The following TSPEAR variants were observed in gnomAD, a reference collection of about 807,000 sequenced individuals.
TSPEAR encodes thrombospondin type laminin G domain and EAR repeats, also known as thrombospondin-type laminin G domain and EAR repeat-containing protein.
In TSPEAR, 69 loss-of-function variants were observed where a neutral mutation model predicts 71.6. The observed-to-expected ratio is 0.96, with a 90% CI of 0.79 to 1.18. TSPEAR has a LOEUF of 1.18. TSPEAR is among the 50% of genes most tolerant of loss of function. The pLI is 0.00. For missense variants in TSPEAR, 971 were observed against 894.9 expected (o/e 1.09, Z -1.09); for synonymous variants, 402 against 387.2 (o/e 1.04, Z -0.45).
chr21:44,518,318 C>G (rs1555913766), intron 9 of TSPEAR: 1 of 468,906 alleles, frequency 2.1e-6, no homozygotes, highest in South Asian at 1.6e-5. Flanking sequence ...GCATGGGTGA[C>G]ACGCAGCTGG....
rs987150461 is a variant in TSPEAR at position 44,600,559 on chromosome 21, G to A, written c.83-32554C>T. ...AACATCCCTGAGCACCTAACACACG[G>A]ACTCACTCACTCATTCACTCACTCA... On this transcript the variant is annotated intron_variant, in intron 1 of 11. Coordinates refer to ENST00000323084, the MANE Select transcript of TSPEAR (RefSeq NM_144991.3). 4.5e-6 allele frequency: 7 copies of A among 1,546,548 alleles called. No individual in the cohort carries two copies. The East Asian group carries it at 1.6e-4, about 35-fold the overall frequency.
chr21:44,623,755 A>C lies in TSPEAR; in HGVS notation c.83-55750T>G, dbSNP rs1555933895. 6.6e-6 allele frequency among the ~76,000 whole-genome samples: 1 copy of C among 152,214 alleles called. No homozygotes were observed. Among genetic ancestry groups the C allele is most frequent in the Non-Finnish European group, 1.5e-5 (1 of 68,038 alleles). On this transcript the variant is annotated intron_variant, in intron 1 of 11. Transcript: ENST00000323084. The surrounding 1 kb of genome is among the most constrained non-coding windows in gnomAD (Gnocchi z 4.5). Reference sequence around the variant, plus strand: ...ATCATTCCATCATCCTCTGGCTGCCATCATTTCTACTGAGAAGTCATCTGT... The same window carrying C: ...ATCATTCCATCATCCTCTGGCTGCCCTCATTTCTACTGAGAAGTCATCTGT...
chr21:44,610,215 G>A (rs905370021), intron 1 of TSPEAR, among the ~76,000 whole-genome samples: 1 of 152,256 alleles, frequency 6.6e-6, no homozygotes, highest in Admixed American at 6.5e-5. Context: ...GTAGCAAGGA[G>A]CCTATTGTTA....
chr21:44,646,405 C>T lies in TSPEAR; in HGVS notation c.82+65028G>A, dbSNP rs1244119352. On this transcript the variant is annotated intron_variant, in intron 1 of 11. Transcript: ENST00000323084. Reference sequence around the variant, plus strand: ...AGCACCTCACTCACTCACTCACACACACACTCACACACTCACTTACACCTC... The same window carrying T: ...AGCACCTCACTCACTCACTCACACATACACTCACACACTCACTTACACCTC... 3 of 1,564,868 alleles carry T rather than the reference C, an allele frequency of 1.9e-6. No homozygotes were observed. In the African/African-American group the frequency reaches 4.0e-5, roughly 21 times the overall value.
rs1351061876 is a variant in TSPEAR, at chr21:44,590,864, T to G, written c.83-22859A>C. Among the ~76,000 whole-genome samples the G allele has an allele frequency of 2.0e-5, 3 of 151,838 alleles. No individual in the cohort carries two copies. The East Asian group carries it at 5.8e-4, about 29-fold the overall frequency. Reference sequence around the variant, plus strand: ...TGGGCCGGGGGGCCATGTGCTGGGGTTGGGGGCCCACGGGGCTAAGAGGGA... The same window carrying G: ...TGGGCCGGGGGGCCATGTGCTGGGGGTGGGGGCCCACGGGGCTAAGAGGGA... On this transcript the variant is annotated intron_variant, in intron 1 of 11. Transcript: ENST00000323084.
chr21:44,627,317 C>T, intron 1 of TSPEAR: 1 of 1,612,986 alleles, frequency 6.2e-7, no homozygotes, highest in Non-Finnish European at 8.5e-7. Context: ...GTCTGCACCC[C>T]AGTGAGCCGT....
chr21:44,542,826 C>A (rs2053244749), intron 2 of TSPEAR, among the ~76,000 whole-genome samples: 1 of 145,468 alleles, frequency 6.9e-6, no homozygotes, highest in African/African-American at 2.5e-5. Flanking sequence ...AGCAAGTGAA[C>A]ACAAAGAAAA....
chr21:44,533,407 G>A (rs1270145429), intron 3 of TSPEAR, among the ~76,000 whole-genome samples: 1 of 151,852 alleles, frequency 6.6e-6, no homozygotes, highest in African/African-American at 2.4e-5. Context: ...CCTGCCCCGT[G>A]GATGGCTCCT....
At chr21:44,527,539 A>C (rs782706157) in intron 6 of TSPEAR, 21 bp from the exon 7 acceptor site, 1 of 1,610,720 alleles carries the variant, frequency 6.2e-7, no homozygotes, top group South Asian at 1.1e-5. Flanking sequence ...AAACGTTGTG[A>C]CTCGGTTAAG....
chr21:44,706,348 C>T (rs1418330408), intron 1 of TSPEAR, among the ~76,000 whole-genome samples: 1 of 152,038 alleles, frequency 6.6e-6, no homozygotes, highest in Non-Finnish European at 1.5e-5. Flanking sequence ...CCCCCATGCA[C>T]ACGCACCCAC....
chr21:44,703,843 G>A (rs1185316761), intron 1 of TSPEAR, among the ~76,000 whole-genome samples: 4 of 152,166 alleles, frequency 2.6e-5, no homozygotes, highest in Admixed American at 2.6e-4. Context: ...CGCCAGAGCC[G>A]CCTCCTCACC....
At chr21:44,647,319 C>T (rs1555940396) in intron 1 of TSPEAR, 2 of 1,613,902 alleles carry the variant, frequency 1.2e-6, no homozygotes, top group Non-Finnish European at 1.7e-6. Flanking sequence ...GCCTGGCCTG[C>T]TACAGCCTCT....
chr21:44,670,373 G>T (rs187968178), intron 1 of TSPEAR, among the ~76,000 whole-genome samples: 1 of 152,268 alleles, frequency 6.6e-6, no homozygotes, highest in East Asian at 1.9e-4. Flanking sequence ...AAAAGAGTGA[G>T]AGGTAACAAC....
intron 1 of TSPEAR, among the ~76,000 whole-genome samples, chr21:44,607,107 A>G (rs1555929973): frequency 6.6e-6 from 1 of 152,200 alleles, no homozygotes; most frequent in Non-Finnish European, 1.5e-5. Flanking sequence ...TTTTTTAGAC[A>G]CAGTCTTGCT....
chr21:44,661,071 C>T (rs7282198), intron 1 of TSPEAR, among the ~76,000 whole-genome samples: 107,650 of 152,060 alleles, frequency 0.71, 38,486 homozygotes, highest in African/African-American at 0.8. Flanking sequence ...GCAAGCAGAT[C>T]GAGACCATCC....
intron 1 of TSPEAR, among the ~76,000 whole-genome samples, chr21:44,693,689 G>A (rs903362389): frequency 1.3e-5 from 2 of 152,138 alleles, no homozygotes; most frequent in Non-Finnish European, 2.9e-5. Flanking sequence ...TGGCAAAGAT[G>A]TGGAGAAATT....
intron 2 of TSPEAR, chr21:44,550,994 G>T: frequency 6.2e-7 from 1 of 1,612,678 alleles, no homozygotes. Context: ...ATGACTCAGA[G>T]CAGGTGGGCA....
Position 44,528,689 on chromosome 21 carries a change from A to C in TSPEAR, c.791-106T>G, listed in dbSNP as rs587706669. The C allele has an allele frequency of 3.7e-5, 53 of 1,450,760 alleles. No homozygotes were observed. In the African/African-American group the frequency reaches 7.3e-4, roughly 20 times the overall value. The allele number at this position is 1,450,760 out of a possible 1,614,324, so 89.9% of individuals were successfully genotyped here. On this transcript the variant is annotated intron_variant, in intron 5 of 11. Transcript: ENST00000323084. ...CAGGCTGCCCTGCCTCAGCCTCTGC[A>C]TGCGGGCCTGGAAGGGCCCCTGCAG...
rs1454799282 is a variant in TSPEAR at position 44,710,989 on chromosome 21, C to T, written c.82+444G>A. Among the ~76,000 whole-genome samples the T allele has an allele frequency of 2.6e-5, 4 of 152,208 alleles. No homozygotes were observed. Among genetic ancestry groups the T allele is most frequent in the Non-Finnish European group, 4.4e-5 (3 of 68,042 alleles). ...TGCTCATGTGGGGAAGGAGCAGGGC[C>T]GGTGTGGCCCTTCGCTTTGCTGAGT... is the stretch of plus-strand genomic sequence containing the variant. On this transcript the variant is annotated intron_variant, in intron 1 of 11. Coordinates refer to ENST00000323084, the MANE Select transcript of TSPEAR (RefSeq NM_144991.3). This position sits in a 1 kb window ranked among gnomAD's most constrained non-coding sequence, Gnocchi z 4.6.
Sources: gnomAD v4.1 joint callset for allele counts (sites outside exome capture counted in the v4.1 genomes callset) on GRCh38, gnomAD v4.1.1 for gene constraint, Gnocchi (gnomAD v3.1) non-coding constraint, MANE v1.5 for transcripts, NCBI Gene and HGNC (gene_info 2026-07-23, HGNC 2026-07-21) for gene names.